The following DNAH7 variants were observed in gnomAD, a reference collection of about 807,000 sequenced individuals.
DNAH7 encodes the protein dynein axonemal heavy chain 7.
Under a neutral mutation model 444.6 loss-of-function variants are expected in DNAH7, and 397 were observed. The ratio of observed to expected loss-of-function variants is 0.89; its 90% CI spans 0.82 to 0.97. DNAH7 has a LOEUF of 0.97. Ranked by LOEUF, DNAH7 falls within the 50% of genes least tolerant of loss-of-function variation. The pLI is 0.00. For missense variants in DNAH7, 4,902 were observed against 4,800.8 expected, an observed-to-expected ratio of 1.02 and a Z score of -0.62; for synonymous variants, 1,636 against 1,624.4, an observed-to-expected ratio of 1.01 and a Z score of -0.17.
intron 5 of DNAH7, among the ~76,000 whole-genome samples, chr2:196,030,140 A>C (rs1695956785): frequency 6.6e-6 from 1 of 152,242 alleles, no homozygotes. Flanking sequence ...TTACAGTTCC[A>C]TGTGGTTAGG....
At chr2:196,015,416 C>A (rs1694957613) in intron 9 of DNAH7, among the ~76,000 whole-genome samples, 1 of 151,998 alleles carries the variant, frequency 6.6e-6, no homozygotes, top group Non-Finnish European at 1.5e-5. Context: ...TTTTTAAAAG[C>A]CATTTCATCT....
chr2:195,935,895 G>C (rs903782650), intron 20 of DNAH7, among the ~76,000 whole-genome samples: 2 of 152,124 alleles, frequency 1.3e-5, no homozygotes, highest in Non-Finnish European at 2.9e-5. Flanking sequence ...TTTTACCGGG[G>C]AATTGCAAAA....
chr2:195,811,765 T>G (rs6743998), intron 51 of DNAH7, among the ~76,000 whole-genome samples: 2 of 151,736 alleles, frequency 1.3e-5, no homozygotes, highest in Non-Finnish European at 2.9e-5. Flanking sequence ...ATGGTCTTGA[T>G]AGAAGTGAAA....
At chr2:195,786,905 T>C (rs1042106160) in intron 58 of DNAH7, 105 bp downstream of exon 58, 3 of 1,235,024 alleles carry the variant, frequency 2.4e-6, no homozygotes, top group Middle Eastern at 2.0e-4. Context: ...CTCCTATTCA[T>C]TTCATAAGAG....
chr2:196,040,039 T>G (rs974181510), intron 5 of DNAH7, among the ~76,000 whole-genome samples: 1 of 151,994 alleles, frequency 6.6e-6, no homozygotes, highest in African/African-American at 2.4e-5. Context: ...ACAAAATTAT[T>G]TGCACAGACA....
At chr2:195,804,407 C>G (rs1025189208) in intron 54 of DNAH7, among the ~76,000 whole-genome samples, 2 of 152,156 alleles carry the variant, frequency 1.3e-5, no homozygotes, top group Non-Finnish European at 2.9e-5. Context: ...TAACGGCATA[C>G]TAACAATTAT....
chr2:195,963,497 T>C (rs187130033), intron 17 of DNAH7, among the ~76,000 whole-genome samples: 51 of 151,662 alleles, frequency 3.4e-4, no homozygotes, highest in African/African-American at 1.2e-3. Flanking sequence ...TCTCCTTATG[T>C]ATTCCAGTTA....
At chr2:195,874,600 T>A (rs866557760) in intron 38 of DNAH7, among the ~76,000 whole-genome samples, 2,638 of 140,832 alleles carry the variant, frequency 0.019, 36 homozygotes, top group Non-Finnish European at 0.031. Flanking sequence ...GTCTTTTATT[T>A]AAAAAAAAAA....
At chr2:195,815,126 A>G (rs1266448293) in intron 51 of DNAH7, among the ~76,000 whole-genome samples, 1 of 151,666 alleles carries the variant, frequency 6.6e-6, no homozygotes, top group African/African-American at 2.4e-5. Flanking sequence ...TAATTAACTA[A>G]CTTATAATGC....
chr2:196,026,461 T>C (rs1425539595), intron 7 of DNAH7, among the ~76,000 whole-genome samples: 2 of 152,212 alleles, frequency 1.3e-5, no homozygotes, highest in African/African-American at 4.8e-5. Flanking sequence ...AAATGCCTAA[T>C]GCCTCGCATA....
At chr2:195,994,329 C>G (rs1693551933) in intron 12 of DNAH7, 2 of 590,980 alleles carry the variant, frequency 3.4e-6, no homozygotes, top group African/African-American at 3.9e-5. Flanking sequence ...TTCCTCCTCC[C>G]CAAGGCTCAG....
intron 36 of DNAH7, among the ~76,000 whole-genome samples, chr2:195,877,179 G>A (rs1701112201): frequency 1.3e-5 from 2 of 152,194 alleles, no homozygotes; most frequent in Admixed American, 1.3e-4. Flanking sequence ...TAATCAAGAT[G>A]TATGCCAGGG....
In DNAH7 at chr2:195,884,785, A is replaced by G; in HGVS notation, c.5563T>C (p.Trp1855Arg). 6.2e-7 allele frequency: 1 copy of G among 1,612,944 alleles called. No individual in the cohort carries two copies. Among genetic ancestry groups the G allele is most frequent in the Non-Finnish European group, 8.5e-7 (1 of 1,179,550 alleles). The change falls in exon 35 of 65, where the codon TGG (tryptophan) becomes CGG (arginine). Residue 1855 changes from tryptophan (W) to arginine (R), a missense_variant. Transcript: ENST00000312428. ...LEGIFLFSLI[W>R]SVGASCTDDD... Reference sequence around the variant, plus strand: ...TCTGTACAAGAAGCACCAACGGACCAGATCAATGAAAACAGAAAAATGCCC... The same window carrying G: ...TCTGTACAAGAAGCACCAACGGACCGGATCAATGAAAACAGAAAAATGCCC...
Position 196,058,098 on chromosome 2 carries a change from C to A in DNAH7, c.34G>T (p.Glu12Ter). 2 of 1,587,836 alleles carry A rather than the reference C, an allele frequency of 1.3e-6. No homozygotes were observed. Among genetic ancestry groups the A allele is most frequent in the Non-Finnish European group, 8.6e-7 (1 of 1,167,000 alleles). ...AATCTTACTGGTTTCTTGGATTTTT[C>A]TTTGCTGGCCGATTTATCCTGTATG... ...SSEQDKSASK[E>*]KSKKPVRFLP... is the part of the protein sequence containing the mutation. The change falls in exon 2 of 65, where the codon GAA (glutamate) becomes TAA (stop). Residue 12 changes from glutamate to a stop codon, truncating the protein, a stop_gained. Coordinates refer to ENST00000312428, the MANE Select transcript of DNAH7 (RefSeq NM_018897.3). LOFTEE classifies it high-confidence loss of function.
intron 48 of DNAH7, among the ~76,000 whole-genome samples, chr2:195,833,682 T>C (rs1475016070): frequency 6.6e-6 from 1 of 150,414 alleles, no homozygotes; most frequent in Admixed American, 6.6e-5. Context: ...TTGTCATGTT[T>C]ATAATCTCTT....
chr2:195,848,231 G>A (rs934183181), intron 46 of DNAH7, among the ~76,000 whole-genome samples: 1 of 152,206 alleles, frequency 6.6e-6, no homozygotes, highest in African/African-American at 2.4e-5. Context: ...GGGCATCACA[G>A]TTTTGGGGGA....
In DNAH7 at chr2:195,853,371, A is replaced by C. The variant is rs1393880778; in HGVS notation, c.8753T>G (p.Leu2918Arg). Reference sequence around the variant, plus strand: ...TCTATAGGTGGATGTGAAGGCTCCGAGGTAAGCAACCACTCCGGAGGAAAT... The same window carrying C: ...TCTATAGGTGGATGTGAAGGCTCCGCGGTAAGCAACCACTCCGGAGGAAAT... ...ILISSGVVAY[L>R]GAFTSTYRQN... is the part of the protein sequence containing the mutation. The change falls in exon 46 of 65, where the codon CTC (leucine) becomes CGC (arginine). Residue 2918 changes from leucine (L) to arginine (R), a missense_variant. Physicochemically the swap from Leu to Arg is moderately radical, Grantham distance 102 (BLOSUM62 -2). Transcript: ENST00000312428. 2.5e-6 allele frequency: 4 copies of C among 1,613,960 alleles called. No individual in the cohort carries two copies. In the East Asian group the frequency reaches 8.9e-5, roughly 36 times the overall value.
At chr2:195,859,860 T>A (rs1699921077) in intron 42 of DNAH7, among the ~76,000 whole-genome samples, 1 of 152,142 alleles carries the variant, frequency 6.6e-6, no homozygotes, top group African/African-American at 2.4e-5. Flanking sequence ...AGTTTCAATA[T>A]GGTGGCTAAT....
At chr2:195,847,147 G>A (rs1699051071) in intron 46 of DNAH7, among the ~76,000 whole-genome samples, 1 of 144,834 alleles carries the variant, frequency 6.9e-6, no homozygotes, top group Admixed American at 7.0e-5. Flanking sequence ...ATATATATCA[G>A]ATATATACTT....
Sources: gnomAD v4.1 joint callset for allele counts (sites outside exome capture counted in the v4.1 genomes callset) on GRCh38, gnomAD v4.1.1 for gene constraint, MANE v1.5 for transcripts, NCBI Gene and HGNC (gene_info 2026-07-23, HGNC 2026-07-21) for gene names.